Variants in UNC80 observed in about 807,000 individuals in gnomAD.
UNC80 encodes protein unc-80 homolog.
In UNC80, 164 loss-of-function variants were observed where a neutral mutation model predicts 384.6. The observed-to-expected ratio is 0.43, with a 90% CI of 0.38 to 0.49. UNC80 has a LOEUF of 0.49. UNC80 is among the 20% of genes least tolerant of loss of function. The pLI is 0.00. For synonymous variants in UNC80, 1,486 were observed against 1,527.8 expected, an observed-to-expected ratio of 0.97 and a Z score of 0.64; for missense variants, 3,330 against 4,143.0, an observed-to-expected ratio of 0.80 and a Z score of 5.39.
chr2:209,796,842 A>G (rs755243485), intron 7 of UNC80, among the ~76,000 whole-genome samples: 18 of 152,170 alleles, frequency 1.2e-4, no homozygotes, highest in Non-Finnish European at 2.2e-4. Context: ...CTTTATCAAC[A>G]GCGTGAAAAC....
intron 33 of UNC80, among the ~76,000 whole-genome samples, chr2:209,920,131 T>C (rs551368851): frequency 3.7e-4 from 57 of 152,088 alleles, no homozygotes; most frequent in Non-Finnish European, 6.8e-4. Context: ...ATTGTGCCAT[T>C]GTACTCCAGC....
chr2:209,984,754 T>G lies in UNC80; in HGVS notation c.9258-102T>G, dbSNP rs1388528905. 4 of 1,056,134 alleles carry G rather than the reference T, an allele frequency of 3.8e-6. No homozygotes were observed. The African/African-American group carries it at 4.9e-5, about 13-fold the overall frequency. The allele number at this position is 1,056,134 out of a possible 1,614,324, so 65.4% of individuals were successfully genotyped here. On this transcript the variant is annotated intron_variant, in intron 60 of 64. Coordinates refer to ENST00000673920, the MANE Select transcript of UNC80 (RefSeq NM_001371986.1). ...TTCCTTGTTCGGTTAAATCTATTTA[T>G]TTTTGGTTCTTGGAAGCAGAAAATT...
intron 28 of UNC80, among the ~76,000 whole-genome samples, chr2:209,900,369 C>T (rs1349307076): frequency 6.6e-6 from 1 of 151,970 alleles, no homozygotes. Context: ...TCATGATTGT[C>T]GTTTTTTATG....
intron 63 of UNC80, among the ~76,000 whole-genome samples, 153 bp downstream of exon 63, chr2:209,993,579 C>CT (rs770523962): frequency 1.3e-5 from 2 of 152,138 alleles, no homozygotes; most frequent in South Asian, 2.1e-4. Context: ...ACTGTAGTGT[C>CT]TTTTTTTTCT....
chr2:209,993,802 G>A (rs2093435988), intron 63 of UNC80, among the ~76,000 whole-genome samples: 1 of 152,154 alleles, frequency 6.6e-6, no homozygotes, highest in Non-Finnish European at 1.5e-5. Context: ...TATGAGGAAT[G>A]ATCAACTTCA....
intron 61 of UNC80, among the ~76,000 whole-genome samples, chr2:209,991,321 C>T (rs1163403425): frequency 6.6e-6 from 1 of 152,106 alleles, no homozygotes; most frequent in African/African-American, 2.4e-5. Flanking sequence ...TTTTTTCATC[C>T]CCACGCCCAT....
At chr2:209,838,408 G>A (rs963977533) in intron 18 of UNC80, among the ~76,000 whole-genome samples, 34 of 151,914 alleles carry the variant, frequency 2.2e-4, no homozygotes, top group African/African-American at 7.7e-4. Flanking sequence ...TCCTGTTGTG[G>A]AATGCCCTAC....
At chr2:209,889,176 CTACTT>C (rs1372414546) in intron 26 of UNC80, among the ~76,000 whole-genome samples, 21 of 152,138 alleles carry the variant, frequency 1.4e-4, no homozygotes, top group Non-Finnish European at 2.5e-4. Flanking sequence ...AAATGGGAGA[CTACTT>C]TATGAGTCTT....
chr2:209,921,984 C>T (rs1450366321), intron 34 of UNC80, among the ~76,000 whole-genome samples: 1 of 152,130 alleles, frequency 6.6e-6, no homozygotes, highest in African/African-American at 2.4e-5. Flanking sequence ...TTCACAAGTG[C>T]AGTTTGTCAG....
At chr2:209,849,302 G>A (rs144608159) in intron 21 of UNC80, 149 bp from the exon 22 acceptor site, 3 of 743,078 alleles carry the variant, frequency 4.0e-6, no homozygotes, top group African/African-American at 3.6e-5. Context: ...TCAAACATTA[G>A]GGTGGAGAGC....
intron 29 of UNC80, among the ~76,000 whole-genome samples, chr2:209,906,440 C>T (rs1326574133): frequency 6.6e-6 from 1 of 152,098 alleles, no homozygotes; most frequent in Admixed American, 6.5e-5. Flanking sequence ...ATTTCATTGA[C>T]AAGTGCCTTT....
At chr2:209,802,721 G>A (rs139273140) in intron 7 of UNC80, among the ~76,000 whole-genome samples, 1,555 of 152,146 alleles carry the variant, frequency 0.01, 24 homozygotes, top group African/African-American at 0.034. Context: ...TTCGATTTTA[G>A]GGGAAAACCC....
At chr2:209,899,668 A>G (rs2087175879) in intron 28 of UNC80, among the ~76,000 whole-genome samples, 1 of 152,088 alleles carries the variant, frequency 6.6e-6, no homozygotes, top group Non-Finnish European at 1.5e-5. Flanking sequence ...ACCTTTTAAT[A>G]TGAAGATGTC....
intron 54 of UNC80, 34 bp downstream of exon 54, chr2:209,970,991 A>C (rs1283513695): frequency 6.5e-7 from 1 of 1,538,718 alleles, no homozygotes; most frequent in East Asian, 2.5e-5. Flanking sequence ...CACGCTCATT[A>C]AGTTGCTGGT....
At chr2:209,979,239 C>T (rs1265112466) in intron 59 of UNC80, among the ~76,000 whole-genome samples, 4 of 152,104 alleles carry the variant, frequency 2.6e-5, no homozygotes, top group East Asian at 1.9e-4. Context: ...ACAGAGCGAG[C>T]CTCTGTCTCA....
At chr2:209,830,839 G>T (rs2080902078) in intron 15 of UNC80, among the ~76,000 whole-genome samples, 1 of 152,106 alleles carries the variant, frequency 6.6e-6, no homozygotes. Context: ...AAGAGGGGAG[G>T]TTTCCCCTCT....
intron 7 of UNC80, among the ~76,000 whole-genome samples, chr2:209,812,489 C>G (rs890373281): frequency 2.6e-5 from 4 of 152,046 alleles, no homozygotes; most frequent in Non-Finnish European, 2.9e-5. Flanking sequence ...AGGAAAATCC[C>G]TACTCACTCT....
At chr2:209,891,369 CA>C (rs1335398648) in intron 26 of UNC80, among the ~76,000 whole-genome samples, 2 of 152,026 alleles carry the variant, frequency 1.3e-5, no homozygotes, top group Non-Finnish European at 2.9e-5. Context: ...TTACTTCAGA[CA>C]ATTATACTGC....
chr2:209,942,152 G>A (rs184721916), intron 44 of UNC80, among the ~76,000 whole-genome samples: 4 of 152,212 alleles, frequency 2.6e-5, no homozygotes, highest in Admixed American at 2.6e-4. Flanking sequence ...TGTGAACTGT[G>A]CATGCAAGGG....
Sources: gnomAD v4.1 joint callset for allele counts (sites outside exome capture counted in the v4.1 genomes callset) on GRCh38, gnomAD v4.1.1 for gene constraint, MANE v1.5 for transcripts, NCBI Gene and HGNC (gene_info 2026-07-23, HGNC 2026-07-21) for gene names.